The following XRN2 variants were observed in gnomAD, a reference collection of about 807,000 sequenced individuals.
XRN2 encodes DHM1-like protein.
In XRN2, 44 loss-of-function variants were observed where a neutral mutation model predicts 138.5. The observed-to-expected ratio is 0.32, with a 90% CI of 0.25 to 0.41. XRN2 has a LOEUF of 0.41. Ranked by LOEUF, XRN2 falls within the 10% of genes least tolerant of loss-of-function variation. The probability of loss-of-function intolerance (pLI) is 1.00; values close to 1 mark genes in which losing one functional copy is unlikely to be tolerated. For missense variants in XRN2, 937 were observed against 1,169.3 expected (o/e 0.80, Z 2.90); for synonymous variants, 354 against 369.4 (o/e 0.96, Z 0.48).
In XRN2 at chr20:21,332,374, T is replaced by C. The variant is rs1173016312; in HGVS notation, c.792T>C (p.Gly264=). ...EFKPNKPKPC[G]LCNQFGHEVK... Reference sequence around the variant, plus strand: ...AACCAAACAAGCCCAAACCATGTGGTCTTTGTAATCAGTTTGGACATGAGG... The same window carrying C: ...AACCAAACAAGCCCAAACCATGTGGCCTTTGTAATCAGTTTGGACATGAGG... The change falls in exon 9 of 30, where the codon GGT becomes GGC. Residue 264 remains glycine (G), a synonymous_variant. Transcript: ENST00000377191. The C allele has an allele frequency of 6.2e-7, 1 of 1,613,892 alleles. No individual in the cohort carries two copies. The highest frequency in any genetic ancestry group is 2.2e-5 in the East Asian group (1 of 44,866).
At chr20:21,311,790 GCAGCCTGGA>G (rs1310273326) in intron 1 of XRN2, among the ~76,000 whole-genome samples, 1 of 152,028 alleles carries the variant, frequency 6.6e-6, no homozygotes, top group African/African-American at 2.4e-5. Flanking sequence ...GAGTTCGAGA[GCAGCCTGGA>G]CAACATGGTG....
intron 27 of XRN2, among the ~76,000 whole-genome samples, chr20:21,374,883 G>GA (rs1386529731): frequency 6.6e-6 from 1 of 151,864 alleles, no homozygotes; most frequent in Non-Finnish European, 1.5e-5. Flanking sequence ...ATTTTTAGAA[G>GA]AATTCAGTGG....
At chr20:21,331,433 A>ACACACC in intron 6 of XRN2, 128 bp from the exon 7 acceptor site, 1 of 730,762 alleles carries the variant, frequency 1.4e-6, no homozygotes, top group East Asian at 2.8e-5. Flanking sequence ...ACACACACAC[A>ACACACC]CACACCCTTA....
At chr20:21,339,217 T>TA in intron 14 of XRN2, 129 bp downstream of exon 14, 1 of 835,434 alleles carries the variant, frequency 1.2e-6, no homozygotes, top group Non-Finnish European at 1.9e-6. Context: ...TCCACCCAGT[T>TA]ACCTTTTTAC....
intron 1 of XRN2, among the ~76,000 whole-genome samples, chr20:21,315,546 G>A (rs1262715970): frequency 6.6e-6 from 1 of 152,094 alleles, no homozygotes; most frequent in African/African-American, 2.4e-5. Flanking sequence ...GGGCTGGAGG[G>A]CAGTGGCACA....
chr20:21,332,748 A>G (rs574788687), intron 9 of XRN2, among the ~76,000 whole-genome samples: 1 of 152,242 alleles, frequency 6.6e-6, no homozygotes, highest in Non-Finnish European at 1.5e-5. Flanking sequence ...AAAAACATGC[A>G]CACACTCATC....
At chr20:21,355,675 G>T (rs546916807) in intron 21 of XRN2, among the ~76,000 whole-genome samples, 1 of 151,662 alleles carries the variant, frequency 6.6e-6, no homozygotes, top group African/African-American at 2.4e-5. Context: ...GGCACATCAC[G>T]CATTTAGATC....
chr20:21,379,356 C>G lies in XRN2; in HGVS notation c.2585-2638C>G, dbSNP rs757229537. Among the ~76,000 whole-genome samples, 19 of 152,176 alleles carry G rather than the reference C, an allele frequency of 1.2e-4. 1 individual carries two copies. Among genetic ancestry groups the G allele is most frequent in the Admixed American group, 4.6e-4 (7 of 15,280 alleles). On this transcript the variant is annotated intron_variant, in intron 27 of 29. Coordinates refer to ENST00000377191, the MANE Select transcript of XRN2 (RefSeq NM_012255.5). ...ATTACAGATCAGCCAGGAAATACTT[C>G]TGCTTTATGAATACTTCCAGGTTAT...
intron 1 of XRN2, among the ~76,000 whole-genome samples, chr20:21,318,785 C>A (rs1430188963): frequency 6.6e-6 from 1 of 151,650 alleles, no homozygotes; most frequent in African/African-American, 2.4e-5. Context: ...TTAATGGTTT[C>A]TAATTTTATT....
At chr20:21,376,215 C>T (rs1246151027) in intron 27 of XRN2, among the ~76,000 whole-genome samples, 1 of 151,942 alleles carries the variant, frequency 6.6e-6, no homozygotes, top group Non-Finnish European at 1.5e-5. Flanking sequence ...TTTAACCAGG[C>T]GTGGTGGTAT....
At chr20:21,314,104 C>T (rs1383657028) in intron 1 of XRN2, among the ~76,000 whole-genome samples, 1 of 152,172 alleles carries the variant, frequency 6.6e-6, no homozygotes, top group Non-Finnish European at 1.5e-5. Context: ...CCTTTTCTCC[C>T]AGCCTTAAGC....
intron 1 of XRN2, among the ~76,000 whole-genome samples, chr20:21,323,651 T>C (rs1358869701): frequency 6.6e-6 from 1 of 152,228 alleles, no homozygotes; most frequent in African/African-American, 2.4e-5. Context: ...TTACTGGGAA[T>C]ACCTGGAGCT....
chr20:21,364,209 ATAT>A (rs1466173133), intron 24 of XRN2, among the ~76,000 whole-genome samples: 5 of 152,190 alleles, frequency 3.3e-5, no homozygotes, highest in Non-Finnish European at 7.3e-5. Context: ...ATTTTTAAAA[ATAT>A]TATCTGAGTT....
chr20:21,305,055 C>T (rs560315958), intron 1 of XRN2, among the ~76,000 whole-genome samples: 23 of 152,138 alleles, frequency 1.5e-4, no homozygotes, highest in Non-Finnish European at 2.4e-4. Flanking sequence ...TTGCCGCGCC[C>T]GGACTCTATT....
In XRN2 at chr20:21,331,837, A is replaced by C; in HGVS notation, c.700+19A>C. ...GCAGATGGTAAGTTTCTTCTTTGGGATTTGCTTCTTTTGGATTAAACCATA... is the reference window on the plus strand; with the variant it reads ...GCAGATGGTAAGTTTCTTCTTTGGGCTTTGCTTCTTTTGGATTAAACCATA... On this transcript the variant is annotated intron_variant, in intron 8 of 29. Coordinates refer to ENST00000377191, the MANE Select transcript of XRN2 (RefSeq NM_012255.5). The C allele has an allele frequency of 6.2e-7, 1 of 1,610,868 alleles. No homozygotes were observed. Among genetic ancestry groups the C allele is most frequent in the South Asian group, 1.1e-5 (1 of 90,160 alleles).
intron 1 of XRN2, among the ~76,000 whole-genome samples, chr20:21,310,589 T>C (rs1463787992): frequency 6.6e-6 from 1 of 152,222 alleles, no homozygotes. Context: ...AAATCTATTT[T>C]ATTTGTCATT....
intron 13 of XRN2, among the ~76,000 whole-genome samples, chr20:21,336,096 C>T (rs927423074): frequency 2.0e-5 from 3 of 152,142 alleles, no homozygotes; most frequent in East Asian, 1.9e-4. Context: ...TCTGTTTGTG[C>T]GTGACTACCA....
chr20:21,334,206 T>C, intron 13 of XRN2, 21 bp downstream of exon 13: 1 of 1,592,760 alleles, frequency 6.3e-7, no homozygotes, highest in Non-Finnish European at 8.6e-7. Flanking sequence ...TCTATTGCAG[T>C]AGCTAAAATT....
intron 4 of XRN2, among the ~76,000 whole-genome samples, chr20:21,329,564 G>C (rs776897325): frequency 1.7e-4 from 26 of 152,158 alleles, no homozygotes; most frequent in Non-Finnish European, 3.4e-4. Flanking sequence ...AAGTGTACAA[G>C]TATATAGTTC....
Sources: gnomAD v4.1 joint callset for allele counts (sites outside exome capture counted in the v4.1 genomes callset) on GRCh38, gnomAD v4.1.1 for gene constraint, MANE v1.5 for transcripts, NCBI Gene and HGNC (gene_info 2026-07-23, HGNC 2026-07-21) for gene names.